The following THSD4 variants were observed in gnomAD, a reference collection of about 807,000 sequenced individuals.
THSD4 encodes thrombospondin type-1 domain-containing protein 4.
Under a neutral mutation model 119.0 loss-of-function variants are expected in THSD4, and 69 were observed. The ratio of observed to expected loss-of-function variants is 0.58; its 90% CI spans 0.48 to 0.71. The LOEUF is 0.71. Among genes scored for constraint, THSD4 ranks in the 30% least tolerant of loss-of-function variants. The probability of loss-of-function intolerance (pLI) is 0.00; values close to 1 mark genes in which losing one functional copy is unlikely to be tolerated. For synonymous variants in THSD4, 524 were observed against 540.4 expected (o/e 0.97, Z 0.42); for missense variants, 1,393 against 1,391.1 (o/e 1.00, Z -0.02).
At position 71,411,817 on chromosome 15, in the gene THSD4, G is replaced by A. The variant is rs1054594211; in HGVS notation, c.1146G>A (p.Gln382=). The A allele has an allele frequency of 6.2e-7, 1 of 1,613,978 alleles. No homozygotes were observed. The highest frequency in any genetic ancestry group is 2.2e-5 in the East Asian group (1 of 44,858). The change falls in exon 7 of 18, where the codon CAG becomes CAA. Residue 382 remains glutamine (Q), a synonymous_variant. Coordinates refer to ENST00000261862, the MANE Select transcript of THSD4 (RefSeq NM_024817.3). The part of the protein sequence containing the change: ...QNGTAICVSG[Q]CKSIGCDDYL... The stretch of plus-strand genomic sequence containing the variant: ...GCACGGCCATCTGTGTGTCTGGGCA[G>A]TGCAAGGTAAGTGCCCCCGAACTGG...
At chr15:71,607,888 T>C (rs530262080) in intron 7 of THSD4, among the ~76,000 whole-genome samples, 1 of 152,262 alleles carries the variant, frequency 6.6e-6, no homozygotes, top group Non-Finnish European at 1.5e-5. Context: ...TGCCAAGGTT[T>C]TCATATTGTT....
At chr15:71,534,464 A>G (rs1013303290) in intron 7 of THSD4, among the ~76,000 whole-genome samples, 2 of 152,176 alleles carry the variant, frequency 1.3e-5, no homozygotes, top group Admixed American at 6.5e-5. Context: ...GCATTTGTGT[A>G]TCTTCATTTG....
At chr15:71,155,456 G>T (rs961609931) in intron 3 of THSD4, among the ~76,000 whole-genome samples, 1 of 152,210 alleles carries the variant, frequency 6.6e-6, no homozygotes, top group Non-Finnish European at 1.5e-5. Context: ...TGAGATTTGG[G>T]TGGGGACACA....
chr15:71,363,307 A>AC (rs1167291947), intron 6 of THSD4, among the ~76,000 whole-genome samples: 1 of 152,144 alleles, frequency 6.6e-6, no homozygotes, highest in East Asian at 1.9e-4. Flanking sequence ...AAAGTAGTAA[A>AC]CCAGATTGGG....
At chr15:71,694,023 AAAAGAAAG>A (rs544273960) in intron 8 of THSD4, among the ~76,000 whole-genome samples, 8 of 151,978 alleles carry the variant, frequency 5.3e-5, no homozygotes, top group Admixed American at 2.6e-4. Flanking sequence ...TCAAAAAAAA[AAAAGAAAG>A]AAAGAAAGAA....
intron 4 of THSD4, among the ~76,000 whole-genome samples, chr15:71,225,696 C>A (rs1178469308): frequency 1.3e-5 from 2 of 151,906 alleles, no homozygotes; most frequent in Non-Finnish European, 2.9e-5. Context: ...GCACGTGCCA[C>A]CACACTCAGC....
At chr15:71,283,845 A>G (rs2044684244) in intron 6 of THSD4, among the ~76,000 whole-genome samples, 1 of 152,190 alleles carries the variant, frequency 6.6e-6, no homozygotes, top group African/African-American at 2.4e-5. Flanking sequence ...TTTGGGGGCA[A>G]GGGGAAGATC....
intron 6 of THSD4, among the ~76,000 whole-genome samples, chr15:71,343,044 T>C (rs559905798): frequency 2.0e-5 from 3 of 152,316 alleles, no homozygotes; most frequent in African/African-American, 4.8e-5. Context: ...TTATCAGAGC[T>C]GGGAGGGAAA....
chr15:71,316,912 A>G (rs553531784), intron 6 of THSD4, among the ~76,000 whole-genome samples: 1 of 152,226 alleles, frequency 6.6e-6, no homozygotes, highest in Non-Finnish European at 1.5e-5. Context: ...GTCAATGCTG[A>G]CATTTATATT....
intron 8 of THSD4, among the ~76,000 whole-genome samples, chr15:71,692,271 T>G (rs1260030776): frequency 6.6e-6 from 1 of 152,232 alleles, no homozygotes; most frequent in Non-Finnish European, 1.5e-5. Flanking sequence ...GAACTGCTGC[T>G]ATGGGTTTCA....
upstream of THSD4, among the ~76,000 whole-genome samples, chr15:71,114,406 C>T (rs1209375789): frequency 6.6e-6 from 1 of 152,172 alleles, no homozygotes; most frequent in Non-Finnish European, 1.5e-5. Context: ...GCTTTAGAGG[C>T]AGCGATAAAC....
intron 4 of THSD4, among the ~76,000 whole-genome samples, chr15:71,228,188 A>G (rs962769238): frequency 6.6e-6 from 1 of 152,062 alleles, no homozygotes; most frequent in Admixed American, 6.6e-5. Context: ...ATGTCCTTAT[A>G]AGAGACAAGC....
intron 7 of THSD4, among the ~76,000 whole-genome samples, chr15:71,531,842 G>C (rs2048614025): frequency 6.6e-6 from 1 of 152,176 alleles, no homozygotes; most frequent in Non-Finnish European, 1.5e-5. Flanking sequence ...CAGAAACTGG[G>C]CAGAAGACGC....
At chr15:71,541,441 C>T (rs1406689675) in intron 7 of THSD4, among the ~76,000 whole-genome samples, 1 of 152,218 alleles carries the variant, frequency 6.6e-6, no homozygotes, top group Non-Finnish European at 1.5e-5. Flanking sequence ...TGAAGCAACT[C>T]AGTTTCCCTC....
intron 7 of THSD4, among the ~76,000 whole-genome samples, chr15:71,428,575 C>A (rs141532314): frequency 6.6e-6 from 1 of 152,070 alleles, no homozygotes; most frequent in African/African-American, 2.4e-5. Flanking sequence ...AAATTCCTGG[C>A]AAAATTCAGG....
At chr15:71,116,327 G>C (rs1228879268) in intron 1 of THSD4, among the ~76,000 whole-genome samples, 2 of 152,250 alleles carry the variant, frequency 1.3e-5, no homozygotes, top group Non-Finnish European at 2.9e-5. Context: ...CGCACTTACA[G>C]AAGTAGCTTT....
At chr15:71,429,066 T>C (rs764236740) in intron 7 of THSD4, among the ~76,000 whole-genome samples, 7 of 152,250 alleles carry the variant, frequency 4.6e-5, no homozygotes, top group Admixed American at 1.3e-4. Context: ...CCAGTCATGC[T>C]GCTGTAGGGG....
intron 8 of THSD4, among the ~76,000 whole-genome samples, chr15:71,727,579 TATATATATACACACACAC>T (rs1468404317): frequency 0.26 from 3,210 of 12,570 alleles, 77 homozygotes; most frequent in South Asian, 0.37. Context: ...TATATATATA[TATATATATACACACACAC>T]ACACACACAC....
At chr15:71,548,613 G>A (rs898749417) in intron 7 of THSD4, among the ~76,000 whole-genome samples, 2 of 152,186 alleles carry the variant, frequency 1.3e-5, no homozygotes, top group Non-Finnish European at 2.9e-5. Context: ...CATGTCCTCT[G>A]CTCTGTAGAC....
Sources: gnomAD v4.1 joint callset for allele counts (sites outside exome capture counted in the v4.1 genomes callset) on GRCh38, gnomAD v4.1.1 for gene constraint, MANE v1.5 for transcripts, NCBI Gene and HGNC (gene_info 2026-07-23, HGNC 2026-07-21) for gene names.